LRCH1: variants seen among roughly 807,000 people sequenced by gnomAD.
LRCH1 encodes the protein leucine-rich repeat and calponin homology domain-containing protein 1.
A neutral mutation model predicts 94.9 loss-of-function variants in LRCH1; 23 were observed. The observed-to-expected ratio is 0.24, with a 90% CI of 0.17 to 0.34. The LOEUF (loss-of-function observed/expected upper bound fraction) is 0.34. LRCH1 is among the 10% of genes least tolerant of loss of function. LRCH1 has a pLI of 1.00. For missense variants in LRCH1, 790 were observed against 945.9 expected, an observed-to-expected ratio of 0.84 and a Z score of 2.16; for synonymous variants, 364 against 354.9, an observed-to-expected ratio of 1.03 and a Z score of -0.29.
exon 19 of LRCH1, chr13:46,751,453 G>A: frequency 6.6e-6 from 1 of 151,702 alleles, no homozygotes; most frequent in East Asian, 1.9e-4. Context: ...GCAGCCCTCT[G>A]TCCCCCAATA....
intron 1 of LRCH1, among the ~76,000 whole-genome samples, chr13:46,594,243 G>GAAAAAAAAAA (rs1266865419): frequency 8.3e-6 from 1 of 119,924 alleles, no homozygotes; most frequent in African/African-American, 2.9e-5. Flanking sequence ...TAATCTCAGT[G>GAAAAAAAAAA]AAAAAAAAAA....
chr13:46,585,931 T>G (rs531262041), intron 1 of LRCH1, among the ~76,000 whole-genome samples: 2 of 152,232 alleles, frequency 1.3e-5, no homozygotes, highest in East Asian at 3.8e-4. Context: ...GCGTGCTTTT[T>G]GCAGGTGTCT....
intron 1 of LRCH1, among the ~76,000 whole-genome samples, chr13:46,645,477 CAA>C (rs1447406025): frequency 1.3e-5 from 2 of 152,114 alleles, no homozygotes; most frequent in Non-Finnish European, 2.9e-5. Context: ...GATGATGAAA[CAA>C]AATTTCTTGG....
rs148501299 is a variant in LRCH1, at chr13:46,744,155, C to T, written c.*2307C>T. On this transcript the variant is annotated 3_prime_UTR_variant, in exon 20 of 20. Transcript: ENST00000389797. Reference sequence around the variant, plus strand: ...AGGTACCCGTGCACCAGCCCATATGCTAACTGGATGCCTGCGGATGCCTGC... The same window carrying T: ...AGGTACCCGTGCACCAGCCCATATGTTAACTGGATGCCTGCGGATGCCTGC... 1,044 of 985,382 alleles carry T rather than the reference C, an allele frequency of 1.1e-3. 2 individuals carry two copies. Among genetic ancestry groups the T allele is most frequent in the Middle Eastern group, 3.7e-3 (7 of 1,914 alleles). 61.0% of individuals were successfully genotyped at this position (985,382 alleles called of 1,614,324 possible).
intron 1 of LRCH1, among the ~76,000 whole-genome samples, chr13:46,602,617 T>C (rs996917819): frequency 2.0e-5 from 3 of 152,170 alleles, no homozygotes; most frequent in Non-Finnish European, 4.4e-5. Context: ...CAGAAAGTGC[T>C]CAACATTATT....
At chr13:46,585,412 C>T (rs2050422015) in intron 1 of LRCH1, among the ~76,000 whole-genome samples, 1 of 152,022 alleles carries the variant, frequency 6.6e-6, no homozygotes, top group African/African-American at 2.4e-5. Context: ...CACGTCTCTA[C>T]TAAAAATACA....
At chr13:46,624,300 G>C (rs549058149) in intron 1 of LRCH1, among the ~76,000 whole-genome samples, 39 of 152,172 alleles carry the variant, frequency 2.6e-4, no homozygotes, top group Non-Finnish European at 5.0e-4. Context: ...TTTGTTCTCT[G>C]GTGTTTGATT....
intron 1 of LRCH1, among the ~76,000 whole-genome samples, chr13:46,570,473 G>A (rs957134631): frequency 3.3e-5 from 5 of 152,212 alleles, no homozygotes; most frequent in African/African-American, 9.6e-5. Flanking sequence ...AGGTCACAGC[G>A]CTGATTAGTG....
At chr13:46,653,894 TG>T (rs2051338844) in intron 2 of LRCH1, among the ~76,000 whole-genome samples, 1 of 152,176 alleles carries the variant, frequency 6.6e-6, no homozygotes, top group Admixed American at 6.6e-5. Context: ...ATCAGAAAGC[TG>T]GTCCTCTTGT....
intron 4 of LRCH1, among the ~76,000 whole-genome samples, chr13:46,683,151 A>T (rs1472221229): frequency 6.6e-6 from 1 of 152,234 alleles, no homozygotes; most frequent in Non-Finnish European, 1.5e-5. Context: ...GGTTAATCTG[A>T]CATTAATGGA....
chr13:46,681,218 T>G (rs1214386847), intron 3 of LRCH1, among the ~76,000 whole-genome samples: 2 of 152,348 alleles, frequency 1.3e-5, no homozygotes, highest in East Asian at 1.9e-4. Context: ...ATCCAAACAT[T>G]GCATTAATAT....
At chr13:46,650,417 A>AT (rs1023714222) in intron 2 of LRCH1, 72 bp downstream of exon 2, 4 of 1,337,894 alleles carry the variant, frequency 3.0e-6, no homozygotes, top group Non-Finnish European at 4.0e-6. Context: ...ATTTCTATCC[A>AT]TTTTTTCCCC....
chr13:46,660,293 C>T (rs2051431029), intron 2 of LRCH1, among the ~76,000 whole-genome samples: 1 of 151,930 alleles, frequency 6.6e-6, no homozygotes, highest in African/African-American at 2.4e-5. Flanking sequence ...GGATTACAGG[C>T]GTGAGCCACC....
At chr13:46,723,382 T>G (rs759072924) in intron 17 of LRCH1, 52 bp downstream of exon 17, 1 of 1,320,226 alleles carries the variant, frequency 7.6e-7, no homozygotes. Flanking sequence ...ACATTCTACA[T>G]TTTTGAGAAA....
chr13:46,637,825 C>T (rs1049976730), intron 1 of LRCH1, among the ~76,000 whole-genome samples: 2 of 152,140 alleles, frequency 1.3e-5, no homozygotes, highest in African/African-American at 2.4e-5. Context: ...TTCTAGAGAG[C>T]GGGATTTCCT....
intron 8 of LRCH1, among the ~76,000 whole-genome samples, chr13:46,693,969 A>G (rs1183847859): frequency 6.6e-6 from 1 of 152,158 alleles, no homozygotes; most frequent in Non-Finnish European, 1.5e-5. Flanking sequence ...TTCACTTCTT[A>G]CACTTCGGTT....
At chr13:46,594,124 A>G (rs1242071302) in intron 1 of LRCH1, among the ~76,000 whole-genome samples, 1 of 152,056 alleles carries the variant, frequency 6.6e-6, no homozygotes, top group Non-Finnish European at 1.5e-5. Context: ...AGGGAGTGAC[A>G]TTGCAGGCAT....
chr13:46,619,088 CTTCCTTCCTTCCTTCCTTCCTTCCT>C lies in LRCH1; in HGVS notation c.308-31110_308-31086del, dbSNP rs1297616702. On this transcript the variant is annotated intron_variant, in intron 1 of 19. Coordinates refer to ENST00000389797, the MANE Select transcript of LRCH1 (RefSeq NM_001164211.2). The stretch of plus-strand genomic sequence containing the variant: ...TTTTCCTTCCTTCCTTCCTTCCTTC[CTTCCTTCCTTCCTTCCTTCCTTCCT>C]TTTTTTTGGTTTTTGAGACAGAGTC... Among the ~76,000 whole-genome samples, 8 of 60,952 alleles carry C rather than the reference CTTCCTTCCTTCCTTCCTTCCTTCCT, an allele frequency of 1.3e-4. No homozygotes were observed. The East Asian group carries it at 1.5e-3, about 12-fold the overall frequency. The allele number at this position is 60,952 out of a possible 152,430, so 40.0% of individuals were successfully genotyped here.
chr13:46,647,983 G>T (rs1001701845), intron 1 of LRCH1, among the ~76,000 whole-genome samples: 36 of 152,046 alleles, frequency 2.4e-4, no homozygotes, highest in African/African-American at 8.2e-4. Flanking sequence ...ATGGTTTCAG[G>T]ATGACTGAAG....
Sources: allele counts gnomAD v4.1 joint callset (sites outside exome capture counted in the v4.1 genomes callset), GRCh38; gene constraint gnomAD v4.1.1; transcripts MANE v1.5; gene names NCBI Gene and HGNC (gene_info 2026-07-23, HGNC 2026-07-21).